HMGXB4: variants seen among roughly 807,000 people sequenced by gnomAD.
The protein encoded by HMGXB4 is HMG-box containing 4.
A neutral mutation model predicts 63.9 loss-of-function variants in HMGXB4; 27 were observed. The observed-to-expected ratio is 0.42, with a 90% CI of 0.31 to 0.58. HMGXB4 has a LOEUF of 0.58. Ranked by LOEUF, HMGXB4 falls within the 20% of genes least tolerant of loss-of-function variation. The pLI, the probability that HMGXB4 is intolerant of heterozygous loss-of-function variation, is 0.13. For synonymous variants in HMGXB4, 264 were observed against 265.3 expected (o/e 0.99, Z 0.05); for missense variants, 624 against 700.7 (o/e 0.89, Z 1.24).
chr22:35,252,465 A>C (rs1922231444), upstream of HMGXB4, among the ~76,000 whole-genome samples: 1 of 152,164 alleles, frequency 6.6e-6, no homozygotes, highest in Admixed American at 6.5e-5. Context: ...CGATCATGCA[A>C]TATTTGTCCC....
At chr22:35,242,552 T>TCG in the HMGXB4 span, among the ~76,000 whole-genome samples, 1 of 152,160 alleles carries the variant, frequency 6.6e-6, no homozygotes, top group African/African-American at 2.4e-5. Flanking sequence ...TCTCTCTCTC[T>TCG]CTCTCTGATC....
chr22:35,241,892 CAG>C, the HMGXB4 span, among the ~76,000 whole-genome samples: 80 of 152,282 alleles, frequency 5.3e-4, no homozygotes, highest in East Asian at 9.6e-4. Context: ...ATGCAAGCCT[CAG>C]CACGCTGCTC....
At chr22:35,266,754 A>G (rs1923273755) in intron 5 of HMGXB4, among the ~76,000 whole-genome samples, 2 of 152,312 alleles carry the variant, frequency 1.3e-5, no homozygotes, top group African/African-American at 2.4e-5. Context: ...AGGCTGAGGC[A>G]GGTGGATCCC....
chr22:35,260,797 T>A (rs1465092184), intron 1 of HMGXB4, among the ~76,000 whole-genome samples: 1 of 152,234 alleles, frequency 6.6e-6, no homozygotes, highest in African/African-American at 2.4e-5. Flanking sequence ...TAGGCCTACC[T>A]GTATGTACAT....
rs757554323 is a variant in HMGXB4 at position 35,263,872 on chromosome 22, G to C, written c.257G>C (p.Gly86Ala). Residue 86 changes from glycine to alanine, a missense_variant and splice_region_variant, in exon 4 of 11, where the codon GGA (glycine) becomes GCA (alanine). This residue lies in a region of HMGXB4 where 472 missense variants were observed against 470.6 expected (regional missense o/e 1.00). Coordinates refer to ENST00000216106, the MANE Select transcript of HMGXB4 (RefSeq NM_001003681.3). ...RKHSSDDYYY[G>A]DISSLESSQK... ...CACTCCTCTGATGATTACTACTATG[G>C]AGGTGAGGATGGGAATGGGCAACAG... The C allele has an allele frequency of 6.2e-7, 1 of 1,613,242 alleles. No individual in the cohort carries two copies. Among genetic ancestry groups the C allele is most frequent in the Admixed American group, 1.7e-5 (1 of 60,022 alleles).
chr22:35,294,483 T>C lies in HMGXB4; in HGVS notation c.*832T>C, dbSNP rs1271728433. On this transcript the variant is annotated 3_prime_UTR_variant, in exon 11 of 11. Coordinates refer to ENST00000216106, the MANE Select transcript of HMGXB4 (RefSeq NM_001003681.3). ...AGTCCTCACAAGCCGTGCTGCTTAG[T>C]TGCTCGGTGGTTATGGATAAACTTT... The C allele has an allele frequency of 6.6e-6, 1 of 152,646 alleles. No homozygotes were observed. Among genetic ancestry groups the C allele is most frequent in the Non-Finnish European group, 1.5e-5 (1 of 68,042 alleles). 9.5% of individuals were successfully genotyped at this position (152,646 alleles called of 1,614,324 possible).
At chr22:35,263,371 AC>A in intron 3 of HMGXB4, 145 bp downstream of exon 3, 1 of 667,852 alleles carries the variant, frequency 1.5e-6, no homozygotes, top group Non-Finnish European at 2.4e-6. Context: ...GCAACCTTCG[AC>A]TCCCAGGTTC....
chr22:35,290,648 A>G (rs1455368752), intron 9 of HMGXB4, among the ~76,000 whole-genome samples: 4 of 150,826 alleles, frequency 2.7e-5, no homozygotes, highest in Admixed American at 2.0e-4. Context: ...AAAAAAAAAA[A>G]AAAAAGAAAC....
At chr22:35,257,480 C>T (rs5755674), upstream of HMGXB4, 80,021 of 152,638 alleles carry the variant, frequency 0.52, 24,394 homozygotes, top group Non-Finnish European at 0.68. Flanking sequence ...GCTCCCTGGC[C>T]GCTCGCGCTT....
intron 1 of HMGXB4, among the ~76,000 whole-genome samples, chr22:35,259,900 A>T (rs1286024141): frequency 2.0e-5 from 3 of 152,238 alleles, no homozygotes; most frequent in Non-Finnish European, 4.4e-5. Context: ...TGCCAACACC[A>T]CATTTTCTTG....
At position 35,265,081 on chromosome 22, in the gene HMGXB4, G is replaced by T; in HGVS notation, c.693G>T (p.Glu231Asp). The change falls in exon 5 of 11, where the codon GAG becomes GAT. Residue 231 changes from glutamate to aspartate, a missense_variant. Physicochemically the swap from Glu to Asp is conservative, Grantham distance 45. Transcript: ENST00000216106. ...CCTCAAAGAAATCAGCTCGGGATGA[G>T]CAGGGTGCTTTACTCCTAGGACATG... Reference protein sequence around the residue: ...KKSSKKSARDEQGALLLGHEL... With the variant: ...KKSSKKSARDDQGALLLGHEL... 1 of 1,614,170 alleles carries T rather than the reference G, an allele frequency of 6.2e-7. No homozygotes were observed. Among genetic ancestry groups the T allele is most frequent in the Non-Finnish European group, 8.5e-7 (1 of 1,180,026 alleles).
At chr22:35,291,998 G>T (rs1010459559) in intron 9 of HMGXB4, among the ~76,000 whole-genome samples, 2 of 152,170 alleles carry the variant, frequency 1.3e-5, no homozygotes, top group African/African-American at 4.8e-5. Flanking sequence ...TGGTGACTTT[G>T]GCAGAGAAAT....
upstream of HMGXB4, among the ~76,000 whole-genome samples, chr22:35,253,616 C>CGCGCGT (rs1555886297): frequency 9.4e-6 from 1 of 106,412 alleles, no homozygotes; most frequent in South Asian, 3.2e-4. Flanking sequence ...CGCGCGCGCG[C>CGCGCGT]GTGTGTGTGT....
intron 10 of HMGXB4, 136 bp downstream of exon 10, chr22:35,293,250 G>T: frequency 1.0e-6 from 1 of 987,362 alleles, no homozygotes; most frequent in South Asian, 1.5e-5. Context: ...GGAACATGAT[G>T]CTATATTATC....
chr22:35,248,452 G>A, the HMGXB4 span, among the ~76,000 whole-genome samples: 1 of 148,238 alleles, frequency 6.7e-6, no homozygotes, highest in Non-Finnish European at 1.5e-5. Context: ...CGTCACCCAG[G>A]CTGAAGTGCA....
chr22:35,253,308 C>T (rs1284706324), upstream of HMGXB4, among the ~76,000 whole-genome samples: 1 of 152,038 alleles, frequency 6.6e-6, no homozygotes, highest in African/African-American at 2.4e-5. Context: ...TCTATTGGGG[C>T]ACATTTTTCT....
At chr22:35,264,045 G>T in intron 4 of HMGXB4, 171 bp downstream of exon 4, 1 of 1,547,148 alleles carries the variant, frequency 6.5e-7, no homozygotes, top group Non-Finnish European at 8.7e-7. Flanking sequence ...TGGAGGGCTG[G>T]TATTTTGGAG....
intron 1 of HMGXB4, 117 bp from the exon 2 acceptor site, chr22:35,262,204 CTT>C (rs925139452): frequency 1.6e-6 from 1 of 644,408 alleles, no homozygotes; most frequent in African/African-American, 1.8e-5. Context: ...TGACAAGACA[CTT>C]TTTATTTCTT....
At chr22:35,248,467 C>A in the HMGXB4 span, among the ~76,000 whole-genome samples, 1 of 133,332 alleles carries the variant, frequency 7.5e-6, no homozygotes, top group Non-Finnish European at 1.6e-5. Context: ...AGTGCAGTGG[C>A]GCAATCACAG....
Sources: gnomAD v4.1 joint callset for allele counts (sites outside exome capture counted in the v4.1 genomes callset) on GRCh38, gnomAD v4.1.1 for gene constraint, gnomAD v4.1.1 regional missense constraint, MANE v1.5 for transcripts, NCBI Gene and HGNC (gene_info 2026-07-23, HGNC 2026-07-21) for gene names.